Variants in CAMK2A observed in about 807,000 individuals in gnomAD.
The protein encoded by CAMK2A is calcium/calmodulin dependent protein kinase II alpha.
CAMK2A carries 7 observed loss-of-function variants against 79.2 expected under a neutral mutation model. The ratio of observed to expected loss-of-function variants is 0.09; its 90% confidence interval spans 0.05 to 0.17. The LOEUF (loss-of-function observed/expected upper bound fraction) is 0.17. Among genes scored for constraint, CAMK2A ranks in the 10% least tolerant of loss-of-function variants. The pLI is 1.00. For missense variants in CAMK2A, 214 were observed against 646.4 expected, an observed-to-expected ratio of 0.33 and a Z score of 7.25; for synonymous variants, 242 against 251.7, an observed-to-expected ratio of 0.96 and a Z score of 0.36.
intron 1 of CAMK2A, among the ~76,000 whole-genome samples, chr5:150,285,144 C>T (rs1053396854): frequency 3.3e-5 from 5 of 152,290 alleles, no homozygotes; most frequent in Middle Eastern, 6.8e-3. Flanking sequence ...GGATGTTCCC[C>T]AGATACGGCA....
chr5:150,253,276 T>C (rs1755912764), intron 7 of CAMK2A, among the ~76,000 whole-genome samples, 168 bp downstream of exon 7: 1 of 152,186 alleles, frequency 6.6e-6, no homozygotes, highest in Non-Finnish European at 1.5e-5. Context: ...AGATAGGTGC[T>C]GCCCACTGGC....
chr5:150,240,115 C>G (rs1332378991), intron 13 of CAMK2A, among the ~76,000 whole-genome samples: 3 of 152,194 alleles, frequency 2.0e-5, no homozygotes, highest in Non-Finnish European at 4.4e-5. Flanking sequence ...TCTTGAAGGA[C>G]AAAGGGTGCT....
At chr5:150,250,438 C>CTAGGAGATGCTTCAGGGTGT in intron 10 of CAMK2A, 129 bp from the exon 11 acceptor site, 1 of 845,168 alleles carries the variant, frequency 1.2e-6, no homozygotes, top group Non-Finnish European at 1.9e-6. Flanking sequence ...ATTCATTGCT[C>CTAGGAGATGCTTCAGGGTGT]TAGGAGATGC....
intron 2 of CAMK2A, among the ~76,000 whole-genome samples, chr5:150,268,035 G>A (rs1756587670): frequency 6.6e-6 from 1 of 151,958 alleles, no homozygotes; most frequent in Non-Finnish European, 1.5e-5. Flanking sequence ...CACCATGCCA[G>A]GCTAATATTT....
chr5:150,271,761 C>T (rs909118447), intron 2 of CAMK2A, among the ~76,000 whole-genome samples: 4 of 152,238 alleles, frequency 2.6e-5, no homozygotes, highest in Non-Finnish European at 5.9e-5. Flanking sequence ...ATGGTTACCA[C>T]CATCACTGTC....
chr5:150,248,240 A>G (rs945563230), intron 11 of CAMK2A, among the ~76,000 whole-genome samples: 2 of 151,534 alleles, frequency 1.3e-5, no homozygotes, highest in Non-Finnish European at 2.9e-5. Context: ...ATCTTGCTCC[A>G]GGACTAGCTC....
chr5:150,265,423 A>C, intron 2 of CAMK2A: 6 of 169,942 alleles, frequency 3.5e-5, no homozygotes, highest in Admixed American at 1.7e-4. Context: ...TGAAACACTT[A>C]CTCTACCTCC....
rs79715378 is a variant in CAMK2A at position 150,251,114 on chromosome 5, G to A, written c.694-304C>T. On this transcript the variant is annotated intron_variant, in intron 9 of 18. Transcript: ENST00000671881. ...ATCAAAAGGCCTGGATTCAAGTCCT[G>A]GCTCTGCCTCCTGGGCTGTGTAACC... is the stretch of plus-strand genomic sequence containing the variant. Among the ~76,000 whole-genome samples the A allele has an allele frequency of 9.9e-3, 1,513 of 152,348 alleles. 32 individuals carry two copies. Among genetic ancestry groups the A allele is most frequent in the African/African-American group, 0.035 (1,440 of 41,572 alleles).
chr5:150,241,660 TCTC>T (rs1355032990), intron 13 of CAMK2A, among the ~76,000 whole-genome samples: 1 of 141,972 alleles, frequency 7.0e-6, no homozygotes, highest in African/African-American at 2.7e-5. Flanking sequence ...CTTCCTCTCT[TCTC>T]CTCTCCCTTC....
At chr5:150,259,956 A>G (rs1164633988) in intron 3 of CAMK2A, among the ~76,000 whole-genome samples, 1 of 151,888 alleles carries the variant, frequency 6.6e-6, no homozygotes, top group East Asian at 1.9e-4. Flanking sequence ...GCAACAGAGC[A>G]AGGCATCATC....
At chr5:150,260,357 G>A (rs2150288698) in intron 3 of CAMK2A, among the ~76,000 whole-genome samples, 1 of 151,946 alleles carries the variant, frequency 6.6e-6, no homozygotes, top group African/African-American at 2.4e-5. Flanking sequence ...TACTCAGGAG[G>A]CTGAGGCAGG....
rs1327169201 is a variant in CAMK2A at position 150,222,184 on chromosome 5, T to C, written c.*526A>G. 1.6e-5 allele frequency: 6 copies of C among 372,356 alleles called. No homozygotes were observed. Among genetic ancestry groups the C allele is most frequent in the Non-Finnish European group, 3.0e-5 (6 of 197,158 alleles). 23.1% of individuals were successfully genotyped at this position (372,356 alleles called of 1,614,324 possible). A position where few individuals can be genotyped will look rare whatever the true frequency, so the allele number is the denominator to read the frequency against. ...GAGGAAGAAGACTTAGGGGAGCACT[T>C]TGAGGCAGGAGGCTCCTGGCGTATG... On this transcript the variant is annotated 3_prime_UTR_variant, in exon 19 of 19. Coordinates refer to ENST00000671881, the MANE Select transcript of CAMK2A (RefSeq NM_015981.4).
chr5:150,269,165 GC>G lies in CAMK2A; in HGVS notation c.157+3899del, dbSNP rs527599976. On this transcript the variant is annotated intron_variant, in intron 2 of 18. Transcript: ENST00000671881. ...GGAAGCTAGAAGTCTTCAGCCTCCTGCCTGGGGACCTGGGGGAGCTTTCCCC... is the reference window on the plus strand; with the variant it reads ...GGAAGCTAGAAGTCTTCAGCCTCCTGCTGGGGACCTGGGGGAGCTTTCCCC... 5.2e-3 allele frequency among the ~76,000 whole-genome samples: 797 copies of G among 152,314 alleles called. 6 individuals are homozygous for G. The highest frequency in any genetic ancestry group is 0.018 in the African/African-American group (744 of 41,578).
chr5:150,241,950 G>T (rs149099727), intron 13 of CAMK2A, among the ~76,000 whole-genome samples: 3 of 152,188 alleles, frequency 2.0e-5, no homozygotes, highest in African/African-American at 7.2e-5. Flanking sequence ...GAGGAGCCGC[G>T]CAGGGGCCAG....
rs1328046078 is a variant in CAMK2A at position 150,221,690 on chromosome 5, G to A, written c.*1020C>T. 14 of 396,298 alleles carry A rather than the reference G, an allele frequency of 3.5e-5. No individual in the cohort carries two copies. Among genetic ancestry groups the A allele is most frequent in the Non-Finnish European group, 5.3e-5 (12 of 225,234 alleles). 24.5% of individuals were successfully genotyped at this position (396,298 alleles called of 1,614,324 possible). A position where few individuals can be genotyped will look rare whatever the true frequency, so the allele number is the denominator to read the frequency against. On this transcript the variant is annotated 3_prime_UTR_variant, in exon 19 of 19. Coordinates refer to ENST00000671881, the MANE Select transcript of CAMK2A (RefSeq NM_015981.4). ...AAATGGCAGAGAGGCCCTTCTCCCC[G>A]GAGCTGAGTCCACCTTGGCCCCAAT...
rs544197979 is a variant in CAMK2A, at chr5:150,220,294, C to A, written c.*2416G>T. Reference sequence around the variant, plus strand: ...TACTCACCCCAAATCACTGCTCTTTCCCCTGCAGTCCACTGCTGAAAAGCA... The same window carrying A: ...TACTCACCCCAAATCACTGCTCTTTACCCTGCAGTCCACTGCTGAAAAGCA... On this transcript the variant is annotated 3_prime_UTR_variant, in exon 19 of 19. Transcript: ENST00000671881. 1 of 152,408 alleles carries A rather than the reference C, an allele frequency of 6.6e-6. No homozygotes were observed. Among genetic ancestry groups the A allele is most frequent in the East Asian group, 1.9e-4 (1 of 5,230 alleles). 9.4% of individuals were successfully genotyped at this position (152,408 alleles called of 1,614,324 possible).
At chr5:150,248,903 T>C (rs1433162196) in intron 11 of CAMK2A, among the ~76,000 whole-genome samples, 1 of 152,228 alleles carries the variant, frequency 6.6e-6, no homozygotes, top group African/African-American at 2.4e-5. Flanking sequence ...TGGGGGCTAA[T>C]GGCCCCTTTT....
chr5:150,255,659 G>A (rs1023220083), intron 6 of CAMK2A, among the ~76,000 whole-genome samples: 2 of 152,238 alleles, frequency 1.3e-5, no homozygotes, highest in African/African-American at 4.8e-5. Flanking sequence ...CATGGGAAGT[G>A]AGTTTGCTGT....
chr5:150,232,566 C>T (rs948869732), intron 15 of CAMK2A, among the ~76,000 whole-genome samples: 10 of 152,352 alleles, frequency 6.6e-5, no homozygotes, highest in African/African-American at 2.4e-4. Flanking sequence ...AGAGGCAGGC[C>T]CCTTTCCCTC....
Sources: allele counts gnomAD v4.1 joint callset (sites outside exome capture counted in the v4.1 genomes callset), GRCh38; gene constraint gnomAD v4.1.1; transcripts MANE v1.5; gene names NCBI Gene and HGNC (gene_info 2026-07-23, HGNC 2026-07-21).